BACH2: variants seen among roughly 807,000 people sequenced by gnomAD.
BACH2 encodes the protein BACH transcriptional regulator 2.
In BACH2, 5 loss-of-function variants were observed where a neutral mutation model predicts 61.8. That is an observed-to-expected ratio of 0.08 (90% CI 0.04 to 0.17). The LOEUF (loss-of-function observed/expected upper bound fraction) is 0.17, where lower values mean the gene tolerates loss of function less well. Ranked by LOEUF, BACH2 falls within the 10% of genes least tolerant of loss-of-function variation. The pLI is 1.00. For synonymous variants in BACH2, 446 were observed against 440.1 expected (o/e 1.01, Z -0.17); for missense variants, 824 against 1,091.1 (o/e 0.76, Z 3.45).
At chr6:89,983,576 G>A (rs1776073223) in intron 6 of BACH2, among the ~76,000 whole-genome samples, 2 of 152,158 alleles carry the variant, frequency 1.3e-5, no homozygotes, top group Admixed American at 1.3e-4. Context: ...GGCTGAGGCA[G>A]GAGAATCACT....
At chr6:90,195,673 TAA>T (rs1768733938) in intron 4 of BACH2, among the ~76,000 whole-genome samples, 1 of 152,218 alleles carries the variant, frequency 6.6e-6, no homozygotes. Context: ...GTTATCTCAT[TAA>T]AAGAGATAAA....
At chr6:90,221,294 C>G (rs1184768876) in intron 3 of BACH2, among the ~76,000 whole-genome samples, 1 of 152,046 alleles carries the variant, frequency 6.6e-6, no homozygotes, top group Non-Finnish European at 1.5e-5. Context: ...TCATAAGCCA[C>G]CCAGTGAGAA....
intron 1 of BACH2, among the ~76,000 whole-genome samples, chr6:90,284,589 C>G (rs1323571934): frequency 6.6e-6 from 1 of 152,146 alleles, no homozygotes; most frequent in East Asian, 1.9e-4. Flanking sequence ...ACAGGAGATG[C>G]TTAGCGCAGA....
intron 5 of BACH2, among the ~76,000 whole-genome samples, chr6:90,016,206 A>C (rs1778051535): frequency 6.6e-6 from 1 of 152,194 alleles, no homozygotes; most frequent in South Asian, 2.1e-4. Context: ...CTTTTTAAAA[A>C]AATCTAATCT....
intron 4 of BACH2, among the ~76,000 whole-genome samples, chr6:90,140,225 G>A (rs1784418150): frequency 6.6e-6 from 1 of 152,302 alleles, no homozygotes; most frequent in South Asian, 2.1e-4. Flanking sequence ...TAGTCGCATG[G>A]CCAGTGAGGC....
chr6:89,934,529 C>T lies in BACH2; in HGVS notation c.2044-1639G>A, dbSNP rs564525052. Among the ~76,000 whole-genome samples, 149 of 152,086 alleles carry T rather than the reference C, an allele frequency of 9.8e-4. 1 individual carries two copies. Among genetic ancestry groups the T allele is most frequent in the African/African-American group, 3.4e-3 (140 of 41,478 alleles). ...AAAAAATTAGCTGGGTGTGTTGGTGCGTGCTTATAATCCCAGCTACTTAGG... is the reference window on the plus strand; with the variant it reads ...AAAAAATTAGCTGGGTGTGTTGGTGTGTGCTTATAATCCCAGCTACTTAGG... On this transcript the variant is annotated intron_variant, in intron 8 of 8. Transcript: ENST00000257749.
intron 7 of BACH2, among the ~76,000 whole-genome samples, chr6:89,942,164 G>A (rs1306832085): frequency 2.0e-5 from 3 of 152,104 alleles, no homozygotes; most frequent in Non-Finnish European, 4.4e-5. Context: ...GACATGCGGG[G>A]GTCTCTGAGG....
chr6:90,110,312 C>G (rs1190678034), intron 4 of BACH2, among the ~76,000 whole-genome samples: 1 of 152,172 alleles, frequency 6.6e-6, no homozygotes. Context: ...GAAAATCTGT[C>G]AATAAACTTT....
At position 90,008,485 on chromosome 6, in the gene BACH2, G is replaced by T; in HGVS notation, c.243+117C>A. ...ATGCCACAGACCTAACATGTGACTT[G>T]GACATCAACTCCTGAGTGGGGACAT... is the stretch of plus-strand genomic sequence containing the variant. On this transcript the variant is annotated intron_variant, in intron 6 of 8. Coordinates refer to ENST00000257749, the MANE Select transcript of BACH2 (RefSeq NM_021813.4). The surrounding 1 kb of genome is among the most constrained non-coding windows in gnomAD (Gnocchi z 4.1). 7.8e-7 allele frequency: 1 copy of T among 1,287,790 alleles called. No homozygotes were observed. The highest frequency in any genetic ancestry group is 1.1e-6 in the Non-Finnish European group (1 of 922,388). The allele number at this position is 1,287,790 out of a possible 1,614,324, so 79.8% of individuals were successfully genotyped here.
At chr6:90,065,541 G>A (rs1406271040) in intron 5 of BACH2, among the ~76,000 whole-genome samples, 1 of 152,040 alleles carries the variant, frequency 6.6e-6, no homozygotes, top group Non-Finnish European at 1.5e-5. Context: ...TAGACGATAT[G>A]GGAGTGGCTG....
At chr6:90,136,137 C>T (rs1009750808) in intron 4 of BACH2, among the ~76,000 whole-genome samples, 1 of 152,218 alleles carries the variant, frequency 6.6e-6, no homozygotes, top group Admixed American at 6.5e-5. Flanking sequence ...GTCCCACGAG[C>T]ACAATCCTGT....
intron 5 of BACH2, among the ~76,000 whole-genome samples, chr6:90,015,549 T>G (rs1778014916): frequency 6.6e-6 from 1 of 152,236 alleles, no homozygotes; most frequent in South Asian, 2.1e-4. Context: ...ACACGTGTTT[T>G]TTGGCTTCCA....
At chr6:90,059,264 C>A (rs1276554294) in intron 5 of BACH2, among the ~76,000 whole-genome samples, 77 of 152,134 alleles carry the variant, frequency 5.1e-4, no homozygotes, top group African/African-American at 1.5e-3. Flanking sequence ...CAATGAACTC[C>A]AACAAATTTA....
intron 5 of BACH2, among the ~76,000 whole-genome samples, chr6:90,023,250 C>T (rs554156042): frequency 1.4e-4 from 21 of 152,250 alleles, no homozygotes; most frequent in Non-Finnish European, 2.5e-4. Flanking sequence ...TTGTAATCCC[C>T]GATGCTGGAG....
chr6:90,137,135 AG>A (rs1161423632), intron 4 of BACH2, among the ~76,000 whole-genome samples: 1 of 152,178 alleles, frequency 6.6e-6, no homozygotes, highest in Non-Finnish European at 1.5e-5. Flanking sequence ...AAAGAGGGAC[AG>A]GCTTGTCTTG....
chr6:90,295,654 G>GGGGTGTGTGTGTGT (rs377584550), intron 1 of BACH2, among the ~76,000 whole-genome samples: 8 of 147,734 alleles, frequency 5.4e-5, no homozygotes, highest in African/African-American at 1.7e-4. Context: ...TGGAGTGTAG[G>GGGGTGTGTGTGTGT]GTGTGTGTGT....
intron 6 of BACH2, among the ~76,000 whole-genome samples, chr6:89,972,668 GA>G (rs1175786286): frequency 6.6e-6 from 1 of 152,142 alleles, no homozygotes; most frequent in Non-Finnish European, 1.5e-5. Flanking sequence ...GGACACCTTT[GA>G]TGTCAGTCTG....
intron 4 of BACH2, among the ~76,000 whole-genome samples, chr6:90,141,296 T>C (rs1041877631): frequency 6.6e-6 from 1 of 152,180 alleles, no homozygotes; most frequent in Non-Finnish European, 1.5e-5. Context: ...TTCTCCTGCC[T>C]CAGCCTCCTG....
chr6:90,262,667 C>T (rs1442527940), intron 2 of BACH2, among the ~76,000 whole-genome samples: 2 of 152,196 alleles, frequency 1.3e-5, no homozygotes, highest in African/African-American at 2.4e-5. Flanking sequence ...ATCAACATTA[C>T]ATGCACACAC....
Sources: allele counts gnomAD v4.1 joint callset (sites outside exome capture counted in the v4.1 genomes callset), GRCh38; gene constraint gnomAD v4.1.1; non-coding constraint Gnocchi (gnomAD v3.1); transcripts MANE v1.5; gene names NCBI Gene and HGNC (gene_info 2026-07-23, HGNC 2026-07-21).